Variants in FNBP1 observed in about 807,000 individuals in gnomAD.
The protein encoded by FNBP1 is formin-binding protein 1.
Under a neutral mutation model 90.6 loss-of-function variants are expected in FNBP1, and 26 were observed. The observed-to-expected ratio is 0.29, with a 90% CI of 0.21 to 0.40. FNBP1 has a LOEUF of 0.40. FNBP1 is among the 10% of genes least tolerant of loss of function. FNBP1 has a pLI of 1.00. For synonymous variants in FNBP1, 260 were observed against 265.2 expected, an observed-to-expected ratio of 0.98 and a Z score of 0.19; for missense variants, 635 against 768.0, an observed-to-expected ratio of 0.83 and a Z score of 2.05.
intron 1 of FNBP1, among the ~76,000 whole-genome samples, chr9:129,999,297 A>G (rs1034536507): frequency 3.3e-5 from 5 of 152,240 alleles, no homozygotes; most frequent in African/African-American, 1.2e-4. Flanking sequence ...TTGCCCTCCT[A>G]AAAATCCTTG....
the FNBP1 span, among the ~76,000 whole-genome samples, chr9:130,049,712 A>T: frequency 7.9e-5 from 12 of 152,102 alleles, no homozygotes; most frequent in South Asian, 2.1e-4. Flanking sequence ...AAAAAAAATA[A>T]AAATAAAAAT....
At chr9:130,015,579 C>T (rs935891598) in intron 1 of FNBP1, among the ~76,000 whole-genome samples, 1 of 152,232 alleles carries the variant, frequency 6.6e-6, no homozygotes, top group Non-Finnish European at 1.5e-5. Context: ...GGATCCCTAA[C>T]TTGCTGAACC....
chr9:130,038,651 T>A (rs897174192), intron 1 of FNBP1, among the ~76,000 whole-genome samples: 3 of 152,148 alleles, frequency 2.0e-5, no homozygotes, highest in Non-Finnish European at 4.4e-5. Context: ...CGCCTTGGCC[T>A]CCCAAAGTTC....
chr9:130,034,421 T>G (rs923442982), intron 1 of FNBP1, among the ~76,000 whole-genome samples: 12 of 152,040 alleles, frequency 7.9e-5, no homozygotes, highest in African/African-American at 2.4e-4. Flanking sequence ...AGATTGAGGC[T>G]GCAGCGAGCC....
At chr9:129,935,430 T>C (rs2043279857) in intron 6 of FNBP1, among the ~76,000 whole-genome samples, 2 of 152,162 alleles carry the variant, frequency 1.3e-5, no homozygotes, top group African/African-American at 4.8e-5. Context: ...AGGCATGTGG[T>C]ATAACCGAGT....
intron 1 of FNBP1, among the ~76,000 whole-genome samples, chr9:130,021,069 A>AT (rs1564595111): frequency 6.6e-6 from 1 of 152,124 alleles, no homozygotes; most frequent in East Asian, 1.9e-4. Flanking sequence ...ATTGCTGGTT[A>AT]TTTTTTTCCA....
intron 11 of FNBP1, among the ~76,000 whole-genome samples, chr9:129,909,243 C>T (rs1329080369): frequency 6.6e-6 from 1 of 152,168 alleles, no homozygotes; most frequent in African/African-American, 2.4e-5. Context: ...AAGCAGTGAG[C>T]AACGCTACAG....
chr9:130,007,167 G>C (rs1341932391), intron 1 of FNBP1, among the ~76,000 whole-genome samples: 1 of 146,974 alleles, frequency 6.8e-6, no homozygotes, highest in African/African-American at 2.5e-5. Flanking sequence ...ACTTGAGCCT[G>C]GGAGGTCAAG....
chr9:130,053,865 C>A, the FNBP1 span: 1 of 1,484,614 alleles, frequency 6.7e-7, no homozygotes. Context: ...CCGGGCCCTT[C>A]CGGCGGCTGC....
chr9:129,902,267 A>G (rs533013792), intron 13 of FNBP1, among the ~76,000 whole-genome samples: 124 of 152,062 alleles, frequency 8.2e-4, no homozygotes, highest in African/African-American at 2.9e-3. Context: ...TTTTATTACC[A>G]TGAGATGAAG....
chr9:129,895,578 A>G (rs2035576719), intron 16 of FNBP1: 6 of 1,239,164 alleles, frequency 4.8e-6, no homozygotes, highest in Non-Finnish European at 5.0e-6. Context: ...ATTTTGAATG[A>G]CATAGCTGTA....
intron 10 of FNBP1, among the ~76,000 whole-genome samples, chr9:129,920,943 C>A (rs1340661074): frequency 2.6e-5 from 4 of 152,168 alleles, no homozygotes; most frequent in African/African-American, 7.2e-5. Context: ...GAGTGGAGTT[C>A]TAAACGCCAG....
At chr9:130,036,574 A>G (rs986086577) in intron 1 of FNBP1, among the ~76,000 whole-genome samples, 4 of 152,210 alleles carry the variant, frequency 2.6e-5, no homozygotes, top group East Asian at 1.9e-4. Flanking sequence ...AATATCCACT[A>G]AACAGAAAAG....
In FNBP1 at chr9:129,978,523, G is replaced by A. The variant is rs777330159; in HGVS notation, c.287C>T (p.Ser96Leu). 1.7e-5 allele frequency: 27 copies of A among 1,613,516 alleles called. No homozygotes were observed. The highest frequency in any genetic ancestry group is 2.3e-5 in the Non-Finnish European group (27 of 1,179,610). ...GCGTGCCAAGTCCACAATGATCTGTGATGCCATGTTCTCGGAGATAACTTC... is the reference window on the plus strand; with the variant it reads ...GCGTGCCAAGTCCACAATGATCTGTAATGCCATGTTCTCGGAGATAACTTC... The part of the protein sequence containing the change: ...QHEVISENMA[S>L]QIIVDLARYV... Residue 96 changes from serine (S) to leucine (L), a missense_variant, in exon 4 of 17, where the codon TCA (serine) becomes TTA (leucine). Ser to Leu is a moderately radical substitution (Grantham distance 145). Transcript: ENST00000446176.
upstream of FNBP1, among the ~76,000 whole-genome samples, chr9:130,047,486 G>A (rs562229372): frequency 1.3e-4 from 20 of 152,250 alleles, no homozygotes; most frequent in African/African-American, 3.9e-4. Flanking sequence ...GGTGGCGCAC[G>A]CCTGTAGTCC....
chr9:129,957,501 G>T lies in FNBP1; in HGVS notation c.409-37C>A, dbSNP rs2047137572. The T allele has an allele frequency of 7.0e-7, 1 of 1,425,444 alleles. No individual in the cohort carries two copies. Among genetic ancestry groups the T allele is most frequent in the East Asian group, 2.3e-5 (1 of 43,944 alleles). 88.3% of individuals were successfully genotyped at this position (1,425,444 alleles called of 1,614,324 possible). On this transcript the variant is annotated intron_variant, in intron 5 of 16. Coordinates refer to ENST00000446176, the MANE Select transcript of FNBP1 (RefSeq NM_015033.3). The surrounding 1 kb of genome is among the most constrained non-coding windows in gnomAD (Gnocchi z 4.3). ...GGAAAATAATTATGAAACCATAAGAGTCCTACGAGAAGATGTAATTTTATC... is the reference window on the plus strand; with the variant it reads ...GGAAAATAATTATGAAACCATAAGATTCCTACGAGAAGATGTAATTTTATC...
At chr9:129,941,723 C>T (rs969928243) in intron 6 of FNBP1, among the ~76,000 whole-genome samples, 1 of 152,114 alleles carries the variant, frequency 6.6e-6, no homozygotes, top group African/African-American at 2.4e-5. Context: ...CCTTGGCCTC[C>T]CAAAGTGTTG....
chr9:130,034,594 T>C (rs2059144361), intron 1 of FNBP1, among the ~76,000 whole-genome samples: 1 of 152,208 alleles, frequency 6.6e-6, no homozygotes, highest in African/African-American at 2.4e-5. Context: ...CACACAAATT[T>C]ATTTAAATTA....
At chr9:129,936,023 C>G (rs116858488) in intron 6 of FNBP1, among the ~76,000 whole-genome samples, 1 of 152,254 alleles carries the variant, frequency 6.6e-6, no homozygotes, top group Admixed American at 6.5e-5. Context: ...GCAAAAACCA[C>G]AATTACTTTT....
Sources: allele counts gnomAD v4.1 joint callset (sites outside exome capture counted in the v4.1 genomes callset), GRCh38; gene constraint gnomAD v4.1.1; non-coding constraint Gnocchi (gnomAD v3.1); transcripts MANE v1.5; gene names NCBI Gene and HGNC (gene_info 2026-07-23, HGNC 2026-07-21).